MYO18A: variants seen among roughly 807,000 people sequenced by gnomAD.
MYO18A encodes unconventional myosin-XVIIIa.
MYO18A carries 78 observed loss-of-function variants against 235.8 expected under a neutral mutation model. The ratio of observed to expected loss-of-function variants is 0.33; its 90% CI spans 0.28 to 0.40. The LOEUF (loss-of-function observed/expected upper bound fraction) is 0.40. Among genes scored for constraint, MYO18A ranks in the 10% least tolerant of loss-of-function variants. The pLI is 1.00. For synonymous variants in MYO18A, 977 were observed against 1,077.8 expected (o/e 0.91, Z 1.83); for missense variants, 2,215 against 2,699.3 (o/e 0.82, Z 3.98).
chr17:29,090,252 TC>T, intron 36 of MYO18A, 154 bp from the exon 37 acceptor site: 1 of 843,324 alleles, frequency 1.2e-6, no homozygotes, highest in Non-Finnish European at 1.8e-6. Flanking sequence ...GCCAGAGGCC[TC>T]CCCCATCTGC....
chr17:29,103,453 G>A, intron 21 of MYO18A, 146 bp downstream of exon 21: 1 of 767,920 alleles, frequency 1.3e-6, no homozygotes, highest in Non-Finnish European at 2.2e-6. Context: ...CTGAGTGGCT[G>A]GGCGGGGTGG....
chr17:29,133,535 A>C (rs1258028125), intron 2 of MYO18A, among the ~76,000 whole-genome samples: 1 of 152,138 alleles, frequency 6.6e-6, no homozygotes, highest in African/African-American at 2.4e-5. Context: ...GTTAACCCAG[A>C]GGGACACCAG....
chr17:29,129,198 G>A (rs1421513889), intron 2 of MYO18A: 28 of 1,014,212 alleles, frequency 2.8e-5, no homozygotes, highest in Non-Finnish European at 3.6e-5. Context: ...CCTCGTCTGC[G>A]GCCACTGTCT....
chr17:29,174,537 G>A (rs2068479168), intron 1 of MYO18A, among the ~76,000 whole-genome samples: 1 of 152,068 alleles, frequency 6.6e-6, no homozygotes, highest in Non-Finnish European at 1.5e-5. Flanking sequence ...ATAAAATGCT[G>A]GGCATGGTGG....
intron 2 of MYO18A, chr17:29,137,071 T>C (rs934665644): frequency 2.0e-5 from 3 of 152,150 alleles, no homozygotes; most frequent in East Asian, 3.8e-4. Context: ...TGAATCCTCA[T>C]AACAACACAC....
intron 41 of MYO18A, chr17:29,075,997 A>T (rs1410213261): frequency 1.3e-5 from 2 of 156,774 alleles, no homozygotes; most frequent in African/African-American, 4.8e-5. Flanking sequence ...TTTGTTTACT[A>T]GCCCTTTTAA....
At position 29,125,986 on chromosome 17, in the gene MYO18A, T is replaced by A; in HGVS notation, c.1000-3733A>T. On this transcript the variant is annotated intron_variant, in intron 2 of 41. Coordinates refer to ENST00000527372, the MANE Select transcript of MYO18A (RefSeq NM_078471.4). This position sits in a 1 kb window ranked among gnomAD's most constrained non-coding sequence, Gnocchi z 5.1. ...CTCCTGCCTAAAGGTTAAACCACTA[T>A]TAGTCCCAGCCCAGAAATGGAGAGG... 1 of 985,288 alleles carries A rather than the reference T, an allele frequency of 1.0e-6. No homozygotes were observed. The highest frequency in any genetic ancestry group is 1.2e-6 in the Non-Finnish European group (1 of 829,438). 61.0% of individuals were successfully genotyped at this position (985,288 alleles called of 1,614,324 possible).
Position 29,111,641 on chromosome 17 carries a change from G to T in MYO18A, c.2741-58C>A. 6.2e-7 allele frequency: 1 copy of T among 1,611,168 alleles called. No individual in the cohort carries two copies. Among genetic ancestry groups the T allele is most frequent in the Non-Finnish European group, 8.5e-7 (1 of 1,178,032 alleles). ...AGGGTACAGGCACAAAGTGACCCCC[G>T]CCCCCTCCCAGGGAGTGCCACCTGG... On this transcript the variant is annotated intron_variant, in intron 16 of 41. Transcript: ENST00000527372. The surrounding 1 kb of genome is among the most constrained non-coding windows in gnomAD (Gnocchi z 5.1).
rs751386187 is a variant in MYO18A at position 29,115,835 on chromosome 17, G to T, written c.2056C>A (p.Arg686Ser). 2 of 1,576,226 alleles carry T rather than the reference G, an allele frequency of 1.3e-6. No individual in the cohort carries two copies. Among genetic ancestry groups the T allele is most frequent in the South Asian group, 1.2e-5 (1 of 86,170 alleles). ...GATKEAAEAG[R>S]KQFARHEWAQ... ...CACTCATGGCGGGCAAACTGCTTGC[G>T]CCCAGCTGTGGAGTGGAAAAAGGGA... The change falls in exon 12 of 42, where the codon CGC (arginine) becomes AGC (serine). Residue 686 changes from arginine to serine, a missense_variant. Arg to Ser is a moderately radical substitution (Grantham distance 110). Transcript: ENST00000527372.
chr17:29,116,475 C>T lies in MYO18A; in HGVS notation c.2039-20G>A, dbSNP rs750706359. 2.5e-6 allele frequency: 4 copies of T among 1,613,942 alleles called. No homozygotes were observed. The highest frequency in any genetic ancestry group is 3.4e-6 in the Non-Finnish European group (4 of 1,179,838). The stretch of plus-strand genomic sequence containing the variant: ...CAGCTTCTGTAAGGCAAAGGACCAG[C>T]ATGCAGCATGCAAAGAAAAACAGTG... On this transcript the variant is annotated intron_variant, in intron 10 of 41. Transcript: ENST00000527372.
At chr17:29,171,244 T>C (rs1177728333) in intron 1 of MYO18A, among the ~76,000 whole-genome samples, 3 of 151,710 alleles carry the variant, frequency 2.0e-5, no homozygotes, top group African/African-American at 7.3e-5. Context: ...GGCCAAGAGA[T>C]CGAGACCATC....
At chr17:29,147,023 T>C (rs2067861915) in intron 2 of MYO18A, among the ~76,000 whole-genome samples, 1 of 152,116 alleles carries the variant, frequency 6.6e-6, no homozygotes, top group African/African-American at 2.4e-5. Context: ...AGAAGGGGAA[T>C]TGTGGAATGG....
At chr17:29,147,269 C>G (rs1277329505) in intron 2 of MYO18A, among the ~76,000 whole-genome samples, 1 of 151,626 alleles carries the variant, frequency 6.6e-6, no homozygotes, top group Non-Finnish European at 1.5e-5. Context: ...GTAATCCCGG[C>G]ACTTTGGGAG....
intron 2 of MYO18A, among the ~76,000 whole-genome samples, chr17:29,152,655 C>T (rs2067984047): frequency 1.3e-5 from 2 of 152,142 alleles, no homozygotes; most frequent in Non-Finnish European, 2.9e-5. Flanking sequence ...CCTGCGGGTA[C>T]CAAGCTACCA....
intron 40 of MYO18A, among the ~76,000 whole-genome samples, chr17:29,083,347 G>A (rs1425731760): frequency 1.3e-5 from 2 of 152,302 alleles, no homozygotes; most frequent in East Asian, 1.9e-4. Context: ...TGGGCTTGGA[G>A]ATAGCTTCTG....
chr17:29,154,128 G>A (rs1363500367), intron 2 of MYO18A, among the ~76,000 whole-genome samples: 1 of 150,866 alleles, frequency 6.6e-6, no homozygotes, highest in African/African-American at 2.5e-5. Flanking sequence ...GTGTGCGCGC[G>A]CGTGCGTGTG....
At chr17:29,100,104 C>T (rs986945399) in intron 21 of MYO18A, among the ~76,000 whole-genome samples, 3 of 152,346 alleles carry the variant, frequency 2.0e-5, no homozygotes, top group Non-Finnish European at 2.9e-5. Flanking sequence ...CGTCCTGCCA[C>T]ATCTGTGAGG....
Position 29,109,296 on chromosome 17 carries a change from TCTC to T in MYO18A, c.3331+559_3331+561del, listed in dbSNP as rs1310599552. Among the ~76,000 whole-genome samples the T allele has an allele frequency of 6.6e-6, 1 of 151,982 alleles. No homozygotes were observed. Among genetic ancestry groups the T allele is most frequent in the Non-Finnish European group, 1.5e-5 (1 of 68,018 alleles). ...GCTACTTAACCTCTCTGAGCCTCAG[TCTC>T]CTCATCTGGAATGATACCAGTGTGC... is the stretch of plus-strand genomic sequence containing the variant. On this transcript the variant is annotated intron_variant, in intron 19 of 41. Transcript: ENST00000527372. The surrounding 1 kb of genome is among the most constrained non-coding windows in gnomAD (Gnocchi z 4.1).
At position 29,166,086 on chromosome 17, in the gene MYO18A, C is replaced by G. The variant is rs997340796; in HGVS notation, c.855G>C (p.Glu285Asp). The G allele has an allele frequency of 6.2e-7, 1 of 1,613,696 alleles. No homozygotes were observed. Among genetic ancestry groups the G allele is most frequent in the South Asian group, 1.1e-5 (1 of 91,086 alleles). ...CCACAATCTCATCCCTGGACTTGCT[C>G]TCCACATTGTGCCCATTAATCTCCA... ...RLVEINGHNV[E>D]SKSRDEIVEM... The change falls in exon 2 of 42, where the codon GAG becomes GAC. Residue 285 changes from glutamate (E) to aspartate (D), a missense_variant. Physicochemically the swap from Glu to Asp is conservative, Grantham distance 45. Transcript: ENST00000527372.
Sources: gnomAD v4.1 joint callset for allele counts (sites outside exome capture counted in the v4.1 genomes callset) on GRCh38, gnomAD v4.1.1 for gene constraint, Gnocchi (gnomAD v3.1) non-coding constraint, MANE v1.5 for transcripts, NCBI Gene and HGNC (gene_info 2026-07-23, HGNC 2026-07-21) for gene names.